CSMD2: variants seen among roughly 807,000 people sequenced by gnomAD.
The protein encoded by CSMD2 is CUB and Sushi multiple domains 2.
Under a neutral mutation model 398.5 loss-of-function variants are expected in CSMD2, and 130 were observed. The ratio of observed to expected loss-of-function variants is 0.33; its 90% CI spans 0.28 to 0.38. The LOEUF is 0.38. CSMD2 is among the 10% of genes least tolerant of loss of function. CSMD2 has a pLI of 1.00. For missense variants in CSMD2, 3,829 were observed against 4,764.9 expected (o/e 0.80, Z 5.78); for synonymous variants, 1,828 against 1,908.5 (o/e 0.96, Z 1.10).
At chr1:33,662,624 G>A (rs575622700) in intron 26 of CSMD2, among the ~76,000 whole-genome samples, 9 of 152,264 alleles carry the variant, frequency 5.9e-5, no homozygotes, top group African/African-American at 2.2e-4. Context: ...CATCTTCCTT[G>A]ATGCTCCAAG....
chr1:34,148,983 A>G (rs1180205725), intron 1 of CSMD2, among the ~76,000 whole-genome samples: 1 of 152,150 alleles, frequency 6.6e-6, no homozygotes, highest in Non-Finnish European at 1.5e-5. Flanking sequence ...TCCCACACTC[A>G]TCTGGTCATG....
rs1439447627 is a variant in CSMD2 at position 33,569,386 on chromosome 1, C to T, written c.8119G>A (p.Val2707Ile). 2 of 1,613,474 alleles carry T rather than the reference C, an allele frequency of 1.2e-6. No homozygotes were observed. The highest frequency in any genetic ancestry group is 1.7e-5 in the Admixed American group (1 of 59,996). ...MANGLWSGSE[V>I]RCLATQTKLH... ...AGAGGTCACTTACCAAGGCAGCGGACTTCAGAGCCACTCCAGAGCCCATTG... is the reference window on the plus strand; with the variant it reads ...AGAGGTCACTTACCAAGGCAGCGGATTTCAGAGCCACTCCAGAGCCCATTG... The change falls in exon 52 of 71, where the codon GTC becomes ATC. Residue 2707 changes from valine (V) to isoleucine (I), a missense_variant. Val to Ile is a conservative substitution (Grantham distance 29). Transcript: ENST00000373381.
chr1:33,538,890 C>T (rs898335360), intron 60 of CSMD2, among the ~76,000 whole-genome samples: 2 of 152,162 alleles, frequency 1.3e-5, no homozygotes, highest in Non-Finnish European at 2.9e-5. Flanking sequence ...GACAGTTTGA[C>T]AACATATGTC....
At chr1:33,788,510 A>C (rs927310825) in intron 12 of CSMD2, 90 bp downstream of exon 12, 23 of 556,026 alleles carry the variant, frequency 4.1e-5, no homozygotes, top group Admixed American at 7.1e-5. Flanking sequence ...TCCGTCTCAA[A>C]AAAAAAAAAA....
At chr1:33,560,286 C>G (rs746461179) in intron 53 of CSMD2, among the ~76,000 whole-genome samples, 1 of 152,182 alleles carries the variant, frequency 6.6e-6, no homozygotes, top group Non-Finnish European at 1.5e-5. Flanking sequence ...TCCAACTTAG[C>G]CTTTATTAGT....
At chr1:34,033,331 CTG>C (rs776855114) in intron 2 of CSMD2, among the ~76,000 whole-genome samples, 14 of 152,206 alleles carry the variant, frequency 9.2e-5, no homozygotes, top group Admixed American at 3.9e-4. Flanking sequence ...TGGGATCAAA[CTG>C]TGCGTGCTAT....
intron 1 of CSMD2, among the ~76,000 whole-genome samples, chr1:34,123,525 G>C (rs199676088): frequency 7.3e-6 from 1 of 137,144 alleles, no homozygotes; most frequent in African/African-American, 2.7e-5. Flanking sequence ...AACTTAAAGG[G>C]GGGGGGTTGT....
chr1:33,556,392 A>G (rs1657978214), intron 55 of CSMD2, among the ~76,000 whole-genome samples: 1 of 152,174 alleles, frequency 6.6e-6, no homozygotes, highest in Non-Finnish European at 1.5e-5. Flanking sequence ...CGAGGGCGTA[A>G]AAAAATGCAG....
intron 2 of CSMD2, among the ~76,000 whole-genome samples, chr1:34,087,612 T>TATAATAATAATA (rs71717621): frequency 5.1e-4 from 71 of 138,348 alleles, no homozygotes; most frequent in Non-Finnish European, 6.8e-4. Flanking sequence ...GAACTTAAAG[T>TATAATAATAATA]ATAATAATAA....
intron 13 of CSMD2, 139 bp from the exon 14 acceptor site, chr1:33,743,745 T>C: frequency 1.5e-6 from 1 of 661,908 alleles, no homozygotes; most frequent in Non-Finnish European, 2.5e-6. Context: ...CTGGACTGGC[T>C]GGGCTCTGAG....
At chr1:33,824,070 C>T (rs1367305439) in intron 7 of CSMD2, among the ~76,000 whole-genome samples, 2 of 152,150 alleles carry the variant, frequency 1.3e-5, no homozygotes, top group Non-Finnish European at 2.9e-5. Flanking sequence ...CCCCATTCTA[C>T]AGATGTGAAA....
intron 25 of CSMD2, among the ~76,000 whole-genome samples, chr1:33,688,645 T>C (rs908884549): frequency 5.9e-5 from 9 of 152,054 alleles, no homozygotes; most frequent in African/African-American, 2.2e-4. Context: ...GCTAACATGG[T>C]GAAACCCTGT....
In CSMD2 at chr1:33,541,163, G is replaced by A. The variant is rs777081960; in HGVS notation, c.9424C>T (p.Arg3142Trp). The change falls in exon 59 of 71, where the codon CGG (arginine) becomes TGG (tryptophan). Residue 3142 changes from arginine (R) to tryptophan (W), a missense_variant. This residue lies in a region of CSMD2 where 917 missense variants were observed against 1,199.5 expected (regional missense o/e 0.76). Transcript: ENST00000373381. ...ACGGGCTTGGTTCCATTCCATGTCCGGTCCTTGGTGCAGCTCAGCACAGAT... is the reference window on the plus strand; with the variant it reads ...ACGGGCTTGGTTCCATTCCATGTCCAGTCCTTGGTGCAGCTCAGCACAGAT... ...RVSVLSCTKD[R>W]TWNGTKPVCK... The A allele has an allele frequency of 1.8e-5, 29 of 1,613,976 alleles. No individual in the cohort carries two copies. Among genetic ancestry groups the A allele is most frequent in the Non-Finnish European group, 2.1e-5 (25 of 1,179,986 alleles).
chr1:33,535,232 A>G (rs566784732), intron 62 of CSMD2, among the ~76,000 whole-genome samples: 2 of 152,184 alleles, frequency 1.3e-5, no homozygotes, highest in African/African-American at 4.8e-5. Flanking sequence ...GCAACTTAAG[A>G]GCTATGGACA....
At chr1:33,901,009 T>C (rs1570444479) in intron 5 of CSMD2, among the ~76,000 whole-genome samples, 1 of 152,020 alleles carries the variant, frequency 6.6e-6, no homozygotes, top group East Asian at 1.9e-4. Context: ...GGGAACAAAA[T>C]GGGAAAACCC....
At chr1:33,872,208 G>A (rs1300635679) in intron 5 of CSMD2, among the ~76,000 whole-genome samples, 1 of 152,092 alleles carries the variant, frequency 6.6e-6, no homozygotes, top group Non-Finnish European at 1.5e-5. Context: ...TCTAGCTATG[G>A]AGATGTCCAA....
intron 5 of CSMD2, among the ~76,000 whole-genome samples, chr1:33,882,538 T>C (rs1041286486): frequency 6.6e-6 from 1 of 152,224 alleles, no homozygotes; most frequent in African/African-American, 2.4e-5. Flanking sequence ...GCATTAGTGA[T>C]AAGGGCACAT....
intron 5 of CSMD2, among the ~76,000 whole-genome samples, chr1:33,880,807 C>A: frequency 6.6e-6 from 1 of 152,168 alleles, no homozygotes; most frequent in Non-Finnish European, 1.5e-5. Context: ...ACCAAGGGGA[C>A]AACTTCTTCA....
intron 4 of CSMD2, among the ~76,000 whole-genome samples, chr1:33,923,192 G>A (rs1416577981): frequency 2.0e-5 from 3 of 152,152 alleles, no homozygotes; most frequent in African/African-American, 7.2e-5. Flanking sequence ...CAAATCTCAC[G>A]TTGAAATGTA....
Sources: gnomAD v4.1 joint callset for allele counts (sites outside exome capture counted in the v4.1 genomes callset) on GRCh38, gnomAD v4.1.1 for gene constraint, gnomAD v4.1.1 regional missense constraint, MANE v1.5 for transcripts, NCBI Gene and HGNC (gene_info 2026-07-23, HGNC 2026-07-21) for gene names.